GLOD5: variants seen among roughly 807,000 people sequenced by gnomAD.
GLOD5 encodes glyoxalase domain containing 5, also known as glyoxalase domain-containing protein 5.
In GLOD5, 7 loss-of-function variants were observed where a neutral mutation model predicts 9.9. The ratio of observed to expected loss-of-function variants is 0.71; its 90% CI spans 0.40 to 1.33. The LOEUF is 1.33. Ranked by LOEUF, GLOD5 falls within the 40% of genes most tolerant of loss-of-function variation. The pLI is 0.01. For missense variants in GLOD5, 146 were observed against 128.4 expected (o/e 1.14, Z -0.66); for synonymous variants, 49 against 47.3 (o/e 1.04, Z -0.14).
At chrX:48,766,120 T>A in intron 2 of GLOD5, 148 bp downstream of exon 2, 1 of 522,722 alleles carries the variant, frequency 1.9e-6, no homozygotes, top group Non-Finnish European at 3.2e-6. Flanking sequence ...ACTGAATATT[T>A]GGACTTCCAG....
rs1557017659 is a variant in GLOD5, at chrX:48,773,323, C to G, written c.371C>G (p.Pro124Arg). Residue 124 changes from proline (P) to arginine (R), a missense_variant, in exon 4 of 4, where the codon CCT becomes CGT. By Grantham distance (103) the Pro-to-Arg change is moderately radical (BLOSUM62 -2). Coordinates refer to ENST00000303227, the MANE Select transcript of GLOD5 (RefSeq NM_001080489.3). ...MIQHLKACDV[P>R]IEEGPVPRTG... ...TTCCCACTTCAGGCTTGTGATGTCC[C>G]TATTGAGGAGGGGCCAGTCCCCAGA... The G allele has an allele frequency of 1.7e-6, 2 of 1,211,092 alleles. No individual in the cohort carries two copies. The highest frequency in any genetic ancestry group is 1.8e-5 in the South Asian group (1 of 56,954).
chrX:48,765,266 G>A (rs1557016467), intron 1 of GLOD5, among the ~76,000 whole-genome samples: 1 of 110,695 alleles, frequency 9.0e-6, no homozygotes, highest in Non-Finnish European at 1.9e-5. Context: ...CTTCACTTCT[G>A]GAAGAGGAGA....
chrX:48,766,912 G>A, intron 2 of GLOD5, among the ~76,000 whole-genome samples: 1 of 94,964 alleles, frequency 1.1e-5, no homozygotes, highest in Non-Finnish European at 2.1e-5. Context: ...CAGCACTTTG[G>A]GAGGCAGAGG....
At chrX:48,773,198 C>G (rs2062627024) in intron 3 of GLOD5, 112 bp from the exon 4 acceptor site, 2 of 911,347 alleles carry the variant, frequency 2.2e-6, no homozygotes, top group African/African-American at 2.0e-5. Context: ...CCACTGCACT[C>G]CAGCCTGGGT....
At position 48,773,497 on chromosome X, in the gene GLOD5, A is replaced by G. The variant is rs782172848; in HGVS notation, c.*62A>G. On this transcript the variant is annotated 3_prime_UTR_variant, in exon 4 of 4. Transcript: ENST00000303227. The stretch of plus-strand genomic sequence containing the variant: ...GTCGCCCTCTCCTTTCCTTCCTGCA[A>G]ACCCCCACCCAGGCCCAGAGATCTC... 4.5e-4 allele frequency: 508 copies of G among 1,135,683 alleles called. 2 individuals are homozygous for G. In the African/African-American group the frequency reaches 8.1e-3, roughly 18 times the overall value. 93.6% of individuals were successfully genotyped at this position (1,135,683 alleles called of 1,213,427 possible).
intron 2 of GLOD5, 21 bp downstream of exon 2, chrX:48,765,993 C>T: frequency 8.4e-7 from 1 of 1,195,219 alleles, no homozygotes; most frequent in East Asian, 3.0e-5. Flanking sequence ...CCCCAAATGC[C>T]AAAATTCAGG....
At chrX:48,767,719 A>T (rs1207693430) in intron 2 of GLOD5, among the ~76,000 whole-genome samples, 3 of 111,489 alleles carry the variant, frequency 2.7e-5, no homozygotes, top group Non-Finnish European at 3.8e-5. Context: ...CAAATAGATA[A>T]ATTAATTAAA....
At chrX:48,768,599 C>T (rs1397636230) in intron 2 of GLOD5, among the ~76,000 whole-genome samples, 3 of 111,656 alleles carry the variant, frequency 2.7e-5, no homozygotes, top group East Asian at 5.6e-4. Context: ...AAGAATAAAA[C>T]GCAGATGAAC....
chrX:48,764,718 A>AT (rs1331270111), intron 1 of GLOD5, among the ~76,000 whole-genome samples: 1 of 108,826 alleles, frequency 9.2e-6, no homozygotes, highest in African/African-American at 3.4e-5. Flanking sequence ...TAATTTTCAT[A>AT]TTTTTTTGTA....
intron 1 of GLOD5, among the ~76,000 whole-genome samples, chrX:48,762,137 C>A (rs782740957): frequency 9.0e-6 from 1 of 110,757 alleles, no homozygotes; most frequent in Non-Finnish European, 1.9e-5. Flanking sequence ...ACGCAGGGTG[C>A]CCCCAAAGCT....
chrX:48,772,236 C>CTA (rs2062624227), intron 3 of GLOD5, among the ~76,000 whole-genome samples: 1 of 110,148 alleles, frequency 9.1e-6, no homozygotes, highest in Non-Finnish European at 1.9e-5. Flanking sequence ...GACCCTGTCT[C>CTA]TAAAAAATTA....
At position 48,773,343 on chromosome X, in the gene GLOD5, C is replaced by T. The variant is rs782718205; in HGVS notation, c.391C>T (p.Pro131Ser). 9.9e-6 allele frequency: 12 copies of T among 1,207,868 alleles called. No individual in the cohort carries two copies. The highest frequency in any genetic ancestry group is 1.3e-5 in the Non-Finnish European group (12 of 893,777). ...CDVPIEEGPVPRTGAKGPIMS... is the reference protein window; with the variant it reads ...CDVPIEEGPVSRTGAKGPIMS... ...TGTCCCTATTGAGGAGGGGCCAGTCCCCAGAACAGGGGCAAAAGGGCCTAT... is the reference window on the plus strand; with the variant it reads ...TGTCCCTATTGAGGAGGGGCCAGTCTCCAGAACAGGGGCAAAAGGGCCTAT... Residue 131 changes from proline to serine, a missense_variant, in exon 4 of 4, where the codon CCC (proline) becomes TCC (serine). Physicochemically the swap from Pro to Ser is moderately conservative, Grantham distance 74. Transcript: ENST00000303227.
chrX:48,765,799 A>T (rs1393085805), intron 1 of GLOD5, 36 bp from the exon 2 acceptor site: 1 of 1,185,879 alleles, frequency 8.4e-7, no homozygotes, highest in African/African-American at 1.8e-5. Context: ...GACAAGTGGC[A>T]ATGTGGTCTC....
intron 1 of GLOD5, among the ~76,000 whole-genome samples, chrX:48,765,191 A>G (rs1219471469): frequency 9.0e-6 from 1 of 110,816 alleles, no homozygotes; most frequent in Non-Finnish European, 1.9e-5. Context: ...ACTTCTTGGA[A>G]AAGAGATGAA....
At chrX:48,773,161 CGGAGG>C in intron 3 of GLOD5, 144 bp from the exon 4 acceptor site, 2 of 580,165 alleles carry the variant, frequency 3.4e-6, no homozygotes, top group Non-Finnish European at 5.5e-6. Flanking sequence ...TAGGAGGCAG[CGGAGG>C]TTGCAGTGAG....
At chrX:48,773,195 A>C in intron 3 of GLOD5, 115 bp from the exon 4 acceptor site, 1 of 849,711 alleles carries the variant, frequency 1.2e-6, no homozygotes, top group Non-Finnish European at 1.7e-6. Context: ...TCACCACTGC[A>C]CTCCAGCCTG....
chrX:48,772,786 C>T, intron 3 of GLOD5, among the ~76,000 whole-genome samples: 1 of 110,209 alleles, frequency 9.1e-6, no homozygotes, highest in Non-Finnish European at 1.9e-5. Context: ...TCCCATTTTA[C>T]AGATGAGGAG....
intron 2 of GLOD5, 130 bp downstream of exon 2, chrX:48,766,102 G>A (rs1456394570): frequency 3.4e-6 from 2 of 587,422 alleles, no homozygotes; most frequent in Non-Finnish European, 5.4e-6. Context: ...CAATAGAGGA[G>A]ATTCCAAACT....
In GLOD5 at chrX:48,764,499, G is replaced by A. The variant is rs1195887341; in HGVS notation, c.64-1336G>A. On this transcript the variant is annotated intron_variant, in intron 1 of 3. Coordinates refer to ENST00000303227, the MANE Select transcript of GLOD5 (RefSeq NM_001080489.3). ...CTCATTTTATAGAAGGGGAAACCAAGGCACAGATAAATTAGATAAATTATT... is the reference window on the plus strand; with the variant it reads ...CTCATTTTATAGAAGGGGAAACCAAAGCACAGATAAATTAGATAAATTATT... 1.4e-4 allele frequency among the ~76,000 whole-genome samples: 15 copies of A among 109,836 alleles called. No individual in the cohort carries two copies. The South Asian group carries it at 1.9e-3, about 14-fold the overall frequency.
Sources: gnomAD v4.1 joint callset for allele counts (sites outside exome capture counted in the v4.1 genomes callset) on GRCh38, gnomAD v4.1.1 for gene constraint, MANE v1.5 for transcripts, NCBI Gene and HGNC (gene_info 2026-07-23, HGNC 2026-07-21) for gene names.